DGCR6: variants seen among roughly 807,000 people sequenced by gnomAD.
DGCR6 encodes protein DGCR6.
In DGCR6 at chr22:18,908,729, G is replaced by A. The variant is rs535120528; in HGVS notation, c.272-1443G>A. On this transcript the variant is annotated intron_variant, in intron 2 of 4. Transcript: ENST00000331444. ...AGGCTCATCTTTTCTTGTTTTCTCC[G>A]TGTCTCAGTCCTGGAATCGGCCATT... The A allele has an allele frequency of 1.7e-4, 52 of 310,136 alleles. 12 individuals are homozygous for A. The highest frequency in any genetic ancestry group is 6.4e-4 in the South Asian group (36 of 56,006). The allele number at this position is 310,136 out of a possible 1,614,324, so 19.2% of individuals were successfully genotyped here. A position where few individuals can be genotyped will look rare whatever the true frequency, so the allele number is the denominator to read the frequency against.
At chr22:18,908,760 A>C (rs2081897376) in intron 2 of DGCR6, 1 of 288,218 alleles carries the variant, frequency 3.5e-6, no homozygotes, top group South Asian at 1.8e-5. Flanking sequence ...CCATTTTTCC[A>C]CAGAGTTGTA....
intron 2 of DGCR6, chr22:18,908,381 T>TC (rs144929757): frequency 0.021 from 1,114 of 54,236 alleles, 141 homozygotes; most frequent in African/African-American, 0.085. Flanking sequence ...TCTATAGTTT[T>TC]CATGTAATAC....
At chr22:18,908,394 G>A in intron 2 of DGCR6, 1 of 57,580 alleles carries the variant, frequency 1.7e-5, no homozygotes, top group South Asian at 1.4e-4. Context: ...TGTAATACCT[G>A]GTTTGGGTAT....
Position 18,908,906 on chromosome 22 carries a change from T to A in DGCR6, c.272-1266T>A, listed in dbSNP as rs1353429425. Among the ~76,000 whole-genome samples, 2 of 89,988 alleles carry A rather than the reference T, an allele frequency of 2.2e-5. 1 individual carries two copies. Among genetic ancestry groups the A allele is most frequent in the Non-Finnish European group, 5.5e-5 (2 of 36,386 alleles). The allele number at this position is 89,988 out of a possible 152,430, so 59.0% of individuals were successfully genotyped here. A position where few individuals can be genotyped will look rare whatever the true frequency, so the allele number is the denominator to read the frequency against. On this transcript the variant is annotated intron_variant, in intron 2 of 4. Transcript: ENST00000331444. Reference sequence around the variant, plus strand: ...TTGACTTTCTGCTTCTCCTGCTGATTTGGCAGGGGTGACTGGCTGCTCCTG... The same window carrying A: ...TTGACTTTCTGCTTCTCCTGCTGATATGGCAGGGGTGACTGGCTGCTCCTG...
At chr22:18,908,639 C>A (rs1178733342) in intron 2 of DGCR6, 1 of 323,712 alleles carries the variant, frequency 3.1e-6, no homozygotes, top group South Asian at 1.7e-5. Context: ...GCGCTCCAGG[C>A]ACCTTTAGAT....
intron 2 of DGCR6, among the ~76,000 whole-genome samples, chr22:18,908,916 T>C (rs5747925): frequency 0.72 from 64,661 of 90,210 alleles, 28,646 homozygotes; most frequent in East Asian, 0.87. Context: ...TTGGCAGGGG[T>C]GACTGGCTGC....
chr22:18,910,678 G>A (rs114390293), intron 3 of DGCR6, among the ~76,000 whole-genome samples: 1,907 of 29,194 alleles, frequency 0.065, 552 homozygotes, highest in African/African-American at 0.095. Context: ...GTGTGCCTGC[G>A]GAGATGTGTG....
chr22:18,911,343 G>A lies in DGCR6; in HGVS notation c.514-197G>A, dbSNP rs1337859780. On this transcript the variant is annotated intron_variant, in intron 4 of 4. Transcript: ENST00000331444. ...GGGTGCAGAGGCTCAGATTCCGAGT[G>A]GCCCTGCTGGGGGCAGAGGCTCAGA... Among the ~76,000 whole-genome samples, 9 of 14,220 alleles carry A rather than the reference G, an allele frequency of 6.3e-4. 4 individuals are homozygous for A. The highest frequency in any genetic ancestry group is 1.1e-3 in the Non-Finnish European group (9 of 8,532). 9.3% of individuals were successfully genotyped at this position (14,220 alleles called of 152,430 possible).
At position 18,908,880 on chromosome 22, in the gene DGCR6, G is replaced by A. The variant is rs368025929; in HGVS notation, c.272-1292G>A. Among the ~76,000 whole-genome samples the A allele has an allele frequency of 1.7e-3, 147 of 86,134 alleles. 43 individuals are homozygous for A. The highest frequency in any genetic ancestry group is 3.2e-3 in the Non-Finnish European group (113 of 34,950). 56.5% of individuals were successfully genotyped at this position (86,134 alleles called of 152,430 possible). A position where few individuals can be genotyped will look rare whatever the true frequency, so the allele number is the denominator to read the frequency against. On this transcript the variant is annotated intron_variant, in intron 2 of 4. Transcript: ENST00000331444. ...TTCCACCAGCAGCAGGCATGCCTGCGTTGACTTTCTGCTTCTCCTGCTGAT... is the reference window on the plus strand; with the variant it reads ...TTCCACCAGCAGCAGGCATGCCTGCATTGACTTTCTGCTTCTCCTGCTGAT...
intron 2 of DGCR6, among the ~76,000 whole-genome samples, chr22:18,909,287 AG>A (rs138764949): frequency 0.03 from 2,195 of 72,074 alleles, 456 homozygotes; most frequent in African/African-American, 0.084. Context: ...CTGCAACATC[AG>A]GGCTCTTCCC....
At position 18,908,940 on chromosome 22, in the gene DGCR6, G is replaced by T. The variant is rs373990419; in HGVS notation, c.272-1232G>T. On this transcript the variant is annotated intron_variant, in intron 2 of 4. Transcript: ENST00000331444. ...GTGACTGGCTGCTCCTGCCTCCTTT[G>T]TGTTCCCGGTCGTGTCTAAGGCCAG... Among the ~76,000 whole-genome samples, 2 of 98,816 alleles carry T rather than the reference G, an allele frequency of 2.0e-5. 1 individual carries two copies. The highest frequency in any genetic ancestry group is 5.1e-5 in the Non-Finnish European group (2 of 39,502). The allele number at this position is 98,816 out of a possible 152,430, so 64.8% of individuals were successfully genotyped here.
chr22:18,908,757 T>C lies in DGCR6; in HGVS notation c.272-1415T>C, dbSNP rs543867314. The C allele has an allele frequency of 1.9e-3, 542 of 291,072 alleles. 160 individuals are homozygous for C. The highest frequency in any genetic ancestry group is 6.4e-3 in the Admixed American group (184 of 28,946). 18.0% of individuals were successfully genotyped at this position (291,072 alleles called of 1,614,324 possible). ...TCTCAGTCCTGGAATCGGCCATTTT[T>C]CCACAGAGTTGTAGTTCTTTCTAGC... On this transcript the variant is annotated intron_variant, in intron 2 of 4. Transcript: ENST00000331444.
In DGCR6 at chr22:18,911,549, C is replaced by T. The variant is rs1470513468; in HGVS notation, c.523C>T (p.Leu175=). The T allele has an allele frequency of 9.0e-6, 2 of 222,034 alleles. 1 individual carries two copies. The highest frequency in any genetic ancestry group is 1.4e-5 in the Non-Finnish European group (2 of 142,996). The allele number at this position is 222,034 out of a possible 1,614,324, so 13.8% of individuals were successfully genotyped here. ...CCCCTCTGTATCCCAGGAGCTGATG[C>T]TGCAGATGAACCTGCTGGAACTCAT... ...YVTTNPQELM[L]QMNLLELIRK... Residue 175 remains leucine (L), a synonymous_variant, in exon 5 of 5, where the codon CTG becomes TTG. Coordinates refer to ENST00000331444, the MANE Select transcript of DGCR6 (RefSeq NM_005675.6).
chr22:18,908,816 A>G (rs149982451), intron 2 of DGCR6: 2,909 of 162,028 alleles, frequency 0.018, 749 homozygotes, highest in Non-Finnish European at 0.035. Flanking sequence ...CCTGGGCCCA[A>G]TGCTGTTTGT....
At position 18,908,599 on chromosome 22, in the gene DGCR6, T is replaced by C. The variant is rs539078227; in HGVS notation, c.272-1573T>C. 43 of 290,570 alleles carry C rather than the reference T, an allele frequency of 1.5e-4. 13 individuals carry two copies. The highest frequency in any genetic ancestry group is 2.4e-4 in the South Asian group (13 of 53,608). The allele number at this position is 290,570 out of a possible 1,614,324, so 18.0% of individuals were successfully genotyped here. On this transcript the variant is annotated intron_variant, in intron 2 of 4. Coordinates refer to ENST00000331444, the MANE Select transcript of DGCR6 (RefSeq NM_005675.6). ...TGCATGGCTCATTATTCCTTAATGC[T>C]CAGACTGTGCCATGTGTGGCCAGTT...
rs1378072395 is a variant in DGCR6 at position 18,909,661 on chromosome 22, A to G, written c.272-511A>G. 4.1e-5 allele frequency among the ~76,000 whole-genome samples: 3 copies of G among 73,306 alleles called. 1 individual carries two copies. Among genetic ancestry groups the G allele is most frequent in the Non-Finnish European group, 7.1e-5 (2 of 28,218 alleles). The allele number at this position is 73,306 out of a possible 152,430, so 48.1% of individuals were successfully genotyped here. ...CACCCTTCTCCCTCTGGTGCTGTGT[A>G]GGGGCTGGGAGCTGCAAATGGGGGA... On this transcript the variant is annotated intron_variant, in intron 2 of 4. Coordinates refer to ENST00000331444, the MANE Select transcript of DGCR6 (RefSeq NM_005675.6).
At chr22:18,909,242 G>A (rs138932122) in intron 2 of DGCR6, among the ~76,000 whole-genome samples, 2 of 84,228 alleles carry the variant, frequency 2.4e-5, no homozygotes, top group Admixed American at 1.1e-4. Context: ...CTCAGGGGCC[G>A]TGGAGTTCCC....
chr22:18,907,760 GT>G, intron 2 of DGCR6: 1 of 57,950 alleles, frequency 1.7e-5, no homozygotes, highest in African/African-American at 6.2e-5. Flanking sequence ...GAAATTAACT[GT>G]TCCAGGTGTC....
rs2081897982 is a variant in DGCR6 at position 18,908,931 on chromosome 22, G to A, written c.272-1241G>A. ...TTGGCAGGGGTGACTGGCTGCTCCT[G>A]CCTCCTTTGTGTTCCCGGTCGTGTC... On this transcript the variant is annotated intron_variant, in intron 2 of 4. Coordinates refer to ENST00000331444, the MANE Select transcript of DGCR6 (RefSeq NM_005675.6). Among the ~76,000 whole-genome samples, 2 of 97,888 alleles carry A rather than the reference G, an allele frequency of 2.0e-5. 1 individual carries two copies. Among genetic ancestry groups the A allele is most frequent in the Admixed American group, 1.9e-4 (2 of 10,478 alleles). The allele number at this position is 97,888 out of a possible 152,430, so 64.2% of individuals were successfully genotyped here. A position where few individuals can be genotyped will look rare whatever the true frequency, so the allele number is the denominator to read the frequency against.
Sources: gnomAD v4.1 joint callset for allele counts (sites outside exome capture counted in the v4.1 genomes callset) on GRCh38, gnomAD v4.1.1 for gene constraint, MANE v1.5 for transcripts, NCBI Gene and HGNC (gene_info 2026-07-23, HGNC 2026-07-21) for gene names.